Variants in KDM3B observed in about 807,000 individuals in gnomAD.
KDM3B encodes lysine-specific demethylase 3B.
KDM3B carries 10 observed loss-of-function variants against 170.0 expected under a neutral mutation model. The observed-to-expected ratio is 0.06, with a 90% CI of 0.04 to 0.10. The LOEUF (loss-of-function observed/expected upper bound fraction) is 0.10. KDM3B is among the 10% of genes least tolerant of loss of function. The pLI is 1.00. For missense variants in KDM3B, 1,394 were observed against 2,195.2 expected, an observed-to-expected ratio of 0.64 and a Z score of 7.29; for synonymous variants, 831 against 834.8, an observed-to-expected ratio of 1.00 and a Z score of 0.08.
At chr5:138,354,419 T>G (rs1225227665) in intron 1 of KDM3B, among the ~76,000 whole-genome samples, 6 of 152,250 alleles carry the variant, frequency 3.9e-5, no homozygotes, top group Non-Finnish European at 8.8e-5. Context: ...AGATTCATTC[T>G]ACCACCTTGG....
At chr5:138,398,938 G>T (rs1762611893) in intron 10 of KDM3B, among the ~76,000 whole-genome samples, 1 of 146,220 alleles carries the variant, frequency 6.8e-6, no homozygotes. Context: ...GCCCAGGCTG[G>T]AGTGCAGTGG....
At position 138,431,570 on chromosome 5, in the gene KDM3B, C is replaced by G. The variant is rs1763531319; in HGVS notation, c.5205+11C>G. On this transcript the variant is annotated intron_variant, in intron 23 of 23. Transcript: ENST00000314358. ...GAGGATAAACTGCAGGTAAATAACT[C>G]CTCCCTCTACCCCACTCTGTCTTCT... is the stretch of plus-strand genomic sequence containing the variant. The G allele has an allele frequency of 2.5e-6, 4 of 1,596,008 alleles. No homozygotes were observed. Among genetic ancestry groups the G allele is most frequent in the Non-Finnish European group, 3.4e-6 (4 of 1,172,980 alleles).
At position 138,435,749 on chromosome 5, in the gene KDM3B, A is replaced by C. The variant is rs1370360144; in HGVS notation, c.*49A>C. On this transcript the variant is annotated 3_prime_UTR_variant, in exon 24 of 24. Transcript: ENST00000314358. ...CTGTGAAGCAGGTCTTTCACTCACA[A>C]CACTTAACAGGGAACGGCAGGGCTC... 7.1e-7 allele frequency: 1 copy of C among 1,417,296 alleles called. No individual in the cohort carries two copies. The highest frequency in any genetic ancestry group is 2.3e-5 in the East Asian group (1 of 42,660). 87.8% of individuals were successfully genotyped at this position (1,417,296 alleles called of 1,614,324 possible).
rs1007701101 is a variant in KDM3B at position 138,436,503 on chromosome 5, A to C, written c.*803A>C. The C allele has an allele frequency of 3.9e-5, 6 of 152,220 alleles. No individual in the cohort carries two copies. The highest frequency in any genetic ancestry group is 9.6e-5 in the African/African-American group (4 of 41,458). 9.4% of individuals were successfully genotyped at this position (152,220 alleles called of 1,614,324 possible). ...AAAATCAGCCAAAGCAGAATTTTTA[A>C]AAATTGGCTTTTTTAGGATTCTTTT... On this transcript the variant is annotated 3_prime_UTR_variant, in exon 24 of 24. Transcript: ENST00000314358.
chr5:138,378,278 T>C (rs1762048501), intron 4 of KDM3B, among the ~76,000 whole-genome samples: 1 of 152,176 alleles, frequency 6.6e-6, no homozygotes, highest in Admixed American at 6.6e-5. Context: ...GTTAAGGCAT[T>C]GGGGATATAG....
At chr5:138,385,095 C>G (rs1264837578) in intron 6 of KDM3B, among the ~76,000 whole-genome samples, 2 of 151,898 alleles carry the variant, frequency 1.3e-5, no homozygotes, top group Non-Finnish European at 2.9e-5. Flanking sequence ...AATCTCGGCT[C>G]ACTGCAACCT....
chr5:138,357,605 C>G (rs553793414), intron 1 of KDM3B, among the ~76,000 whole-genome samples: 2 of 152,210 alleles, frequency 1.3e-5, no homozygotes, highest in Non-Finnish European at 2.9e-5. Context: ...AGCAATCTGC[C>G]TGACTTGGCC....
At chr5:138,426,143 A>G (rs17171820) in intron 17 of KDM3B, among the ~76,000 whole-genome samples, 45,399 of 152,102 alleles carry the variant, frequency 0.3, 7,626 homozygotes, top group East Asian at 0.57. Flanking sequence ...TCCATGGGCT[A>G]TGCAGAGCAC....
intron 6 of KDM3B, among the ~76,000 whole-genome samples, chr5:138,384,664 A>G (rs1762210508): frequency 1.3e-5 from 2 of 150,162 alleles, no homozygotes; most frequent in South Asian, 4.3e-4. Context: ...GCTTGAGCCT[A>G]GGAGGCGGAG....
chr5:138,408,543 G>A (rs1293708324), intron 11 of KDM3B, among the ~76,000 whole-genome samples: 1 of 152,108 alleles, frequency 6.6e-6, no homozygotes, highest in Admixed American at 6.6e-5. Flanking sequence ...CAGAAAATGG[G>A]AGGAAGCACT....
intron 1 of KDM3B, among the ~76,000 whole-genome samples, chr5:138,361,368 TC>T: frequency 6.6e-6 from 1 of 151,818 alleles, no homozygotes; most frequent in South Asian, 2.1e-4. Context: ...TTTCATGACT[TC>T]AGAGGTAATC....
At chr5:138,432,116 T>C (rs1266439025) in intron 23 of KDM3B, among the ~76,000 whole-genome samples, 1 of 152,118 alleles carries the variant, frequency 6.6e-6, no homozygotes, top group Non-Finnish European at 1.5e-5. Context: ...AGTTATAGTA[T>C]TACAAGTGTT....
At chr5:138,415,773 T>C (rs1170456108) in intron 12 of KDM3B, among the ~76,000 whole-genome samples, 1 of 152,112 alleles carries the variant, frequency 6.6e-6, no homozygotes, top group Admixed American at 6.6e-5. Context: ...TAGATATGTG[T>C]TAGTGTGCAC....
chr5:138,361,238 AG>A (rs1761601309), intron 1 of KDM3B, among the ~76,000 whole-genome samples: 1 of 152,060 alleles, frequency 6.6e-6, no homozygotes, highest in South Asian at 2.1e-4. Flanking sequence ...CTGGTGCGAA[AG>A]CATCATCTTT....
chr5:138,421,353 T>C (rs1245292117), intron 15 of KDM3B, among the ~76,000 whole-genome samples: 1 of 152,222 alleles, frequency 6.6e-6, no homozygotes, highest in Non-Finnish European at 1.5e-5. Flanking sequence ...ATAAGCTTGC[T>C]TCTCCTTAGT....
At chr5:138,419,668 A>ATATAT (rs1554131122) in intron 14 of KDM3B, among the ~76,000 whole-genome samples, 32 of 109,226 alleles carry the variant, frequency 2.9e-4, no homozygotes, top group African/African-American at 8.1e-4. Flanking sequence ...AAAAAAAAAA[A>ATATAT]ATATATATAT....
intron 11 of KDM3B, among the ~76,000 whole-genome samples, chr5:138,408,341 T>C (rs1356888422): frequency 6.6e-6 from 1 of 150,854 alleles, no homozygotes; most frequent in South Asian, 2.1e-4. Context: ...TCTCTTTCTT[T>C]CTTTTTTTTT....
intron 17 of KDM3B, 44 bp downstream of exon 17, chr5:138,425,626 A>G (rs1478581260): frequency 6.6e-7 from 1 of 1,526,692 alleles, no homozygotes; most frequent in African/African-American, 1.4e-5. Context: ...AGACTGGAAA[A>G]TAAGCATCTA....
chr5:138,405,688 A>T (rs1347720654), intron 11 of KDM3B, among the ~76,000 whole-genome samples: 1 of 152,242 alleles, frequency 6.6e-6, no homozygotes, highest in African/African-American at 2.4e-5. Flanking sequence ...CATGGTATAT[A>T]TGAGTAAATA....
Sources: gnomAD v4.1 joint callset for allele counts (sites outside exome capture counted in the v4.1 genomes callset) on GRCh38, gnomAD v4.1.1 for gene constraint, MANE v1.5 for transcripts, NCBI Gene and HGNC (gene_info 2026-07-23, HGNC 2026-07-21) for gene names.